Variants in MFHAS1 observed in about 807,000 individuals in gnomAD.
MFHAS1 encodes the protein malignant fibrous histiocytoma-amplified sequence 1.
In MFHAS1, 50 loss-of-function variants were observed where a neutral mutation model predicts 70.4. That is an observed-to-expected ratio of 0.71 (90% CI 0.57 to 0.90). MFHAS1 has a LOEUF of 0.90. MFHAS1 is among the 40% of genes least tolerant of loss of function. The pLI, the probability that MFHAS1 is intolerant of heterozygous loss-of-function variation, is 0.00. For synonymous variants in MFHAS1, 952 were observed against 620.0 expected (o/e 1.54, Z -7.96); for missense variants, 1,795 against 1,347.6 (o/e 1.33, Z -5.20).
Position 8,890,244 on chromosome 8 carries a change from C to T in MFHAS1, c.2815G>A (p.Asp939Asn), listed in dbSNP as rs1809936381. ...YRPARGVLQP[D>N]TLSIASHASL... is the part of the protein sequence containing the mutation. ...GCATGGCTAGCAATGGACAGGGTGT[C>T]TGGCTGCAGGACTCCCCTGGCAGGT... The change falls in exon 1 of 3, where the codon GAC becomes AAC. Residue 939 changes from aspartate to asparagine, a missense_variant. By Grantham distance (23) the Asp-to-Asn change is conservative (BLOSUM62 1). Transcript: ENST00000276282. 2.5e-6 allele frequency: 4 copies of T among 1,614,048 alleles called. No individual in the cohort carries two copies. The South Asian group carries it at 4.4e-5, about 18-fold the overall frequency.
Position 8,821,412 on chromosome 8 carries a change from C to T in MFHAS1, c.2999-23921G>A, listed in dbSNP as rs4841048. ...GTAAGTATGTACAAAGATCGAAGAT[C>T]GGCATGGAGAATAGCATGAAGCAGT... On this transcript the variant is annotated intron_variant, in intron 1 of 2. Coordinates refer to ENST00000276282, the MANE Select transcript of MFHAS1 (RefSeq NM_004225.3). Among the ~76,000 whole-genome samples, 1,219 of 152,336 alleles carry T rather than the reference C, an allele frequency of 8.0e-3. 13 individuals are homozygous for T. Among genetic ancestry groups the T allele is most frequent in the Non-Finnish European group, 0.014 (922 of 68,038 alleles).
intron 1 of MFHAS1, among the ~76,000 whole-genome samples, chr8:8,845,920 A>C (rs1035958130): frequency 1.3e-5 from 2 of 152,026 alleles, no homozygotes; most frequent in African/African-American, 4.8e-5. Flanking sequence ...ACCCAGAACA[A>C]ATCCATCAAC....
At chr8:8,792,774 C>T (rs552591129) in intron 2 of MFHAS1, among the ~76,000 whole-genome samples, 3 of 152,152 alleles carry the variant, frequency 2.0e-5, no homozygotes, top group South Asian at 4.2e-4. Context: ...TCTGCAAATA[C>T]GTTAGTAATC....
intron 2 of MFHAS1, among the ~76,000 whole-genome samples, chr8:8,793,694 C>T (rs1043594350): frequency 2.0e-5 from 3 of 152,228 alleles, no homozygotes; most frequent in African/African-American, 7.2e-5. Flanking sequence ...TGCCTTTGTG[C>T]TGCAGAGCAG....
Position 8,892,798 on chromosome 8 carries a change from G to A in MFHAS1, c.261C>T (p.Gly87=), listed in dbSNP as rs769331309. 1.3e-6 allele frequency: 2 copies of A among 1,586,380 alleles called. No individual in the cohort carries two copies. Among genetic ancestry groups the A allele is most frequent in the South Asian group, 2.3e-5 (2 of 87,688 alleles). ...EVPEGLGSAL[G]SLRVLVLRRN... The stretch of plus-strand genomic sequence containing the variant: ...TGCGCAGGACCAGGACGCGCAGGCT[G>A]CCCAGCGCCGACCCCAGCCCCTCGG... Residue 87 remains glycine (G), a synonymous_variant, in exon 1 of 3, where the codon GGC becomes GGT. Transcript: ENST00000276282. This position sits in a 1 kb window ranked among gnomAD's most constrained non-coding sequence, Gnocchi z 4.7.
intron 1 of MFHAS1, among the ~76,000 whole-genome samples, chr8:8,879,839 A>G (rs1809443305): frequency 6.6e-6 from 1 of 152,202 alleles, no homozygotes; most frequent in Non-Finnish European, 1.5e-5. Context: ...ACAGTGATTG[A>G]CGACACTTAT....
rs146840872 is a variant in MFHAS1, at chr8:8,877,132, T to C, written c.2998+12929A>G. ...CCAGGCAACGTGGCAAAATCCTGTC[T>C]CTATAAAAAATATAAAAACTAACTG... On this transcript the variant is annotated intron_variant, in intron 1 of 2. Transcript: ENST00000276282. 8.9e-3 allele frequency among the ~76,000 whole-genome samples: 1,353 copies of C among 151,688 alleles called. 11 individuals carry two copies. The highest frequency in any genetic ancestry group is 0.03 in the South Asian group (143 of 4,788).
chr8:8,816,728 G>A (rs1401752293), intron 1 of MFHAS1, among the ~76,000 whole-genome samples: 1 of 151,960 alleles, frequency 6.6e-6, no homozygotes, highest in Non-Finnish European at 1.5e-5. Flanking sequence ...ACCTACCAAT[G>A]GTTATTATAT....
At chr8:8,845,814 C>G (rs760439423) in intron 1 of MFHAS1, among the ~76,000 whole-genome samples, 4 of 152,176 alleles carry the variant, frequency 2.6e-5, no homozygotes, top group Non-Finnish European at 5.9e-5. Flanking sequence ...CCCACAAAAT[C>G]TGCTCCTCTC....
At chr8:8,849,063 CCT>C (rs1491152110) in intron 1 of MFHAS1, among the ~76,000 whole-genome samples, 1 of 109,722 alleles carries the variant, frequency 9.1e-6, no homozygotes, top group Non-Finnish European at 1.8e-5. Flanking sequence ...TTCCTTTTTA[CCT>C]TTTTTTTTTT....
intron 1 of MFHAS1, among the ~76,000 whole-genome samples, chr8:8,870,751 C>G (rs1809045267): frequency 6.6e-6 from 1 of 152,208 alleles, no homozygotes; most frequent in Non-Finnish European, 1.5e-5. Flanking sequence ...TCTCTGCTTA[C>G]TGTCCACACT....
chr8:8,800,510 G>C (rs1227993550), intron 1 of MFHAS1, among the ~76,000 whole-genome samples: 1 of 152,118 alleles, frequency 6.6e-6, no homozygotes, highest in African/African-American at 2.4e-5. Flanking sequence ...TTTGCTCCAA[G>C]TCCCACAGAG....
intron 1 of MFHAS1, among the ~76,000 whole-genome samples, chr8:8,866,673 G>A (rs771259397): frequency 2.0e-5 from 3 of 152,152 alleles, no homozygotes; most frequent in Non-Finnish European, 4.4e-5. Context: ...AATGGCCACT[G>A]AGTCCCTTCT....
chr8:8,833,164 G>A lies in MFHAS1; in HGVS notation c.2999-35673C>T, dbSNP rs528052788. ...CATCGTGACAACACCACCAAAGGGG[G>A]ACTGGTGCTACACCATTAGAGACCA... On this transcript the variant is annotated intron_variant, in intron 1 of 2. Transcript: ENST00000276282. Among the ~76,000 whole-genome samples the A allele has an allele frequency of 5.3e-5, 8 of 152,236 alleles. 1 individual carries two copies. The highest frequency in any genetic ancestry group is 4.6e-4 in the Admixed American group (7 of 15,294).
chr8:8,793,576 C>T (rs1412613610), intron 2 of MFHAS1, among the ~76,000 whole-genome samples: 3 of 152,232 alleles, frequency 2.0e-5, no homozygotes, highest in Non-Finnish European at 4.4e-5. Flanking sequence ...TGACAGCCGT[C>T]CCATCACTCT....
chr8:8,859,224 G>C (rs1320586121), intron 1 of MFHAS1, among the ~76,000 whole-genome samples: 2 of 152,166 alleles, frequency 1.3e-5, no homozygotes, highest in Admixed American at 6.5e-5. Flanking sequence ...CACGCCTGTA[G>C]TCCCAGCCAC....
At position 8,891,109 on chromosome 8, in the gene MFHAS1, C is replaced by T. The variant is rs771362930; in HGVS notation, c.1950G>A (p.Glu650=). The change falls in exon 1 of 3, where the codon GAG becomes GAA. Residue 650 remains glutamate (E), a synonymous_variant. Coordinates refer to ENST00000276282, the MANE Select transcript of MFHAS1 (RefSeq NM_004225.3). The surrounding 1 kb of genome is among the most constrained non-coding windows in gnomAD (Gnocchi z 5.4). ...GTACTCTGTGTAAGTTGGGGAAGATCTCTCGGTGCTCAGCAACTGACAGCA... is the reference window on the plus strand; with the variant it reads ...GTACTCTGTGTAAGTTGGGGAAGATTTCTCGGTGCTCAGCAACTGACAGCA... ...DKLLSVAEHR[E]IFPNLHRVLP... is the part of the protein sequence containing the mutation. 5.0e-6 allele frequency: 8 copies of T among 1,613,778 alleles called. No homozygotes were observed. The Admixed American group carries it at 1.0e-4, about 20-fold the overall frequency.
chr8:8,787,074 G>GAAT (rs1554473650), intron 2 of MFHAS1, among the ~76,000 whole-genome samples: 1 of 124,868 alleles, frequency 8.0e-6, no homozygotes, highest in African/African-American at 3.1e-5. Context: ...ATCTTACTCA[G>GAAT]TATTATTATT....
chr8:8,892,976 T>C lies in MFHAS1; in HGVS notation c.83A>G (p.Asn28Ser), dbSNP rs1432395986. ...GGCGGTAAGCGTGAGCTGGCGCAGG[T>C]TGCTCCGCAGCTTCCTGGCACGCAG... is the stretch of plus-strand genomic sequence containing the variant. ...AALRARKLRS[N>S]LRQLTLTAAG... Residue 28 changes from asparagine (N) to serine (S), a missense_variant, in exon 1 of 3, where the codon AAC (asparagine) becomes AGC (serine). Transcript: ENST00000276282. The surrounding 1 kb of genome is among the most constrained non-coding windows in gnomAD (Gnocchi z 4.7). The C allele has an allele frequency of 1.3e-6, 2 of 1,540,964 alleles. No homozygotes were observed. The highest frequency in any genetic ancestry group is 1.7e-6 in the Non-Finnish European group (2 of 1,145,734).
Sources: allele counts gnomAD v4.1 joint callset (sites outside exome capture counted in the v4.1 genomes callset), GRCh38; gene constraint gnomAD v4.1.1; non-coding constraint Gnocchi (gnomAD v3.1); transcripts MANE v1.5; gene names NCBI Gene and HGNC (gene_info 2026-07-23, HGNC 2026-07-21).